The following SERINC5 variants were observed in gnomAD, a reference collection of about 807,000 sequenced individuals.
The protein encoded by SERINC5 is chromosome 5 open reading frame 12.
In SERINC5, 41 loss-of-function variants were observed where a neutral mutation model predicts 63.1. The observed-to-expected ratio is 0.65, with a 90% CI of 0.51 to 0.84. The LOEUF (loss-of-function observed/expected upper bound fraction) is 0.84. Ranked by LOEUF, SERINC5 falls within the 40% of genes least tolerant of loss-of-function variation. The pLI is 0.00. For synonymous variants in SERINC5, 222 were observed against 215.2 expected, an observed-to-expected ratio of 1.03 and a Z score of -0.28; for missense variants, 523 against 573.0, an observed-to-expected ratio of 0.91 and a Z score of 0.89.
intron 2 of SERINC5, among the ~76,000 whole-genome samples, chr5:80,183,658 C>T (rs1240998176): frequency 1.3e-5 from 2 of 152,036 alleles, no homozygotes; most frequent in Non-Finnish European, 1.5e-5. Context: ...TGTGAATTTC[C>T]TTCTCCTGGC....
Position 80,143,429 on chromosome 5 carries a change from A to G in SERINC5, c.*234T>C, listed in dbSNP as rs1745628393. On this transcript the variant is annotated 3_prime_UTR_variant, in exon 12 of 12. Coordinates refer to ENST00000507668, the MANE Select transcript of SERINC5 (RefSeq NM_001174072.3). ...CTGGTATCCAGTTCCTAGGGGTAAGATATTTCAACCATGATCAGTTTGGTT... is the reference window on the plus strand; with the variant it reads ...CTGGTATCCAGTTCCTAGGGGTAAGGTATTTCAACCATGATCAGTTTGGTT... The G allele has an allele frequency of 3.1e-6, 4 of 1,277,936 alleles. No homozygotes were observed. Among genetic ancestry groups the G allele is most frequent in the Non-Finnish European group, 4.0e-6 (4 of 1,012,132 alleles). The allele number at this position is 1,277,936 out of a possible 1,614,324, so 79.2% of individuals were successfully genotyped here.
At position 80,142,649 on chromosome 5, in the gene SERINC5, G is replaced by A. The variant is rs1410340119; in HGVS notation, c.*1014C>T. The A allele has an allele frequency of 1.0e-6, 1 of 985,266 alleles. No homozygotes were observed. Among genetic ancestry groups the A allele is most frequent in the East Asian group, 1.1e-4 (1 of 8,826 alleles). 61.0% of individuals were successfully genotyped at this position (985,266 alleles called of 1,614,324 possible). On this transcript the variant is annotated 3_prime_UTR_variant, in exon 12 of 12. Transcript: ENST00000507668. ...ACGGTATGGTCACGTTACAGATCCA[G>A]AACACAAAACGACTTCCGCTTTTAC...
intron 1 of SERINC5, among the ~76,000 whole-genome samples, chr5:80,223,726 A>G (rs1477849813): frequency 1.3e-5 from 2 of 152,370 alleles, no homozygotes; most frequent in East Asian, 1.9e-4. Context: ...GAAAGAATGC[A>G]TTCCTGAGCT....
chr5:80,164,429 C>T (rs958073976), intron 7 of SERINC5, among the ~76,000 whole-genome samples: 3 of 151,916 alleles, frequency 2.0e-5, no homozygotes, highest in Non-Finnish European at 4.4e-5. Context: ...GGGTAGAGTG[C>T]AGTGGTGCAA....
At chr5:80,126,660 T>C (rs187978918) in intron 11 of SERINC5, among the ~76,000 whole-genome samples, 14 of 152,354 alleles carry the variant, frequency 9.2e-5, no homozygotes, top group African/African-American at 3.4e-4. Context: ...ACCATTCCAA[T>C]ATTAAAAACA....
At chr5:80,205,013 GA>G (rs920732274) in intron 1 of SERINC5, among the ~76,000 whole-genome samples, 7 of 152,328 alleles carry the variant, frequency 4.6e-5, no homozygotes, top group African/African-American at 1.7e-4. Context: ...CTTGCACAGG[GA>G]GTGGGGAGGT....
Position 80,255,906 on chromosome 5 carries a change from C to G in SERINC5, c.17G>C (p.Cys6Ser), listed in dbSNP as rs375595897. The G allele has an allele frequency of 1.9e-6, 3 of 1,578,004 alleles. No individual in the cohort carries two copies. Among genetic ancestry groups the G allele is most frequent in the Non-Finnish European group, 1.7e-6 (2 of 1,168,638 alleles). MSAQC[C>S]AGQLACCCGS... ...CCCGGCCTCGCTCACCTGGCCCGCA[C>G]AGCACTGAGCTGACATCGCGGCGGC... Residue 6 changes from cysteine (C) to serine (S), a missense_variant, in exon 1 of 12, where the codon TGT becomes TCT. Transcript: ENST00000507668.
chr5:80,173,206 G>A (rs1278478453), intron 5 of SERINC5, among the ~76,000 whole-genome samples: 1 of 148,794 alleles, frequency 6.7e-6, no homozygotes, highest in African/African-American at 2.5e-5. Context: ...AGGAAAGGAA[G>A]AGGAAAGGCA....
chr5:80,221,272 CCTG>C (rs1750892514), intron 1 of SERINC5, among the ~76,000 whole-genome samples: 1 of 152,220 alleles, frequency 6.6e-6, no homozygotes, highest in Non-Finnish European at 1.5e-5. Flanking sequence ...ATTTAACAAT[CCTG>C]CGCACCTTTA....
At chr5:80,153,857 A>G (rs1414755878) in intron 8 of SERINC5, among the ~76,000 whole-genome samples, 1 of 151,956 alleles carries the variant, frequency 6.6e-6, no homozygotes, top group Non-Finnish European at 1.5e-5. Flanking sequence ...CAGAACCACT[A>G]CAGTGCCCAG....
chr5:80,212,096 A>G (rs1041140511), intron 1 of SERINC5, among the ~76,000 whole-genome samples: 1 of 152,204 alleles, frequency 6.6e-6, no homozygotes, highest in African/African-American at 2.4e-5. Context: ...ACCACCCTTC[A>G]TTCAGTCCCT....
At chr5:80,228,272 G>A (rs1751259785) in intron 1 of SERINC5, among the ~76,000 whole-genome samples, 1 of 105,566 alleles carries the variant, frequency 9.5e-6, no homozygotes, top group Non-Finnish European at 2.0e-5. Flanking sequence ...GGAAAGGAGG[G>A]AGGGAGGGAG....
Position 80,142,877 on chromosome 5 carries a change from T to C in SERINC5, c.*786A>G. Reference sequence around the variant, plus strand: ...AAACATGAATCTTGTTCTATAATCATGTGAATAACACCATAAATAAGCGCC... The same window carrying C: ...AAACATGAATCTTGTTCTATAATCACGTGAATAACACCATAAATAAGCGCC... On this transcript the variant is annotated 3_prime_UTR_variant, in exon 12 of 12. Transcript: ENST00000507668. The C allele has an allele frequency of 2.0e-6, 2 of 985,430 alleles. No individual in the cohort carries two copies. The highest frequency in any genetic ancestry group is 4.7e-5 in the South Asian group (1 of 21,290). 61.0% of individuals were successfully genotyped at this position (985,430 alleles called of 1,614,324 possible). A position where few individuals can be genotyped will look rare whatever the true frequency, so the allele number is the denominator to read the frequency against.
At chr5:80,252,220 G>A (rs1033843015) in intron 1 of SERINC5, among the ~76,000 whole-genome samples, 2 of 151,796 alleles carry the variant, frequency 1.3e-5, no homozygotes, top group Non-Finnish European at 2.9e-5. Flanking sequence ...GCACCATCAC[G>A]CCTGGCTAAT....
At chr5:80,130,226 A>G (rs1744887308) in intron 11 of SERINC5, among the ~76,000 whole-genome samples, 1 of 151,764 alleles carries the variant, frequency 6.6e-6, no homozygotes, top group African/African-American at 2.4e-5. Flanking sequence ...CTAAAAATAC[A>G]AAAACTAGCC....
chr5:80,249,080 C>G (rs1210492588), intron 1 of SERINC5, among the ~76,000 whole-genome samples: 1 of 151,526 alleles, frequency 6.6e-6, no homozygotes, highest in African/African-American at 2.4e-5. Context: ...TTTGGGAGGC[C>G]AAGGCGGGTG....
rs77099392 is a variant in SERINC5, at chr5:80,177,971, C to T, written c.289G>A (p.Gly97Arg). ...AAGATAAAGAAGAAACAAGCCATTC[C>T]AAAACAGACTCTATACACGGCAGAA... ...GYSAVYRVCF[G>R]MACFFFIFCL... The change falls in exon 3 of 12, where the codon GGA becomes AGA. Residue 97 changes from glycine (G) to arginine (R), a missense_variant. By Grantham distance (125) the Gly-to-Arg change is moderately radical (BLOSUM62 -2). Coordinates refer to ENST00000507668, the MANE Select transcript of SERINC5 (RefSeq NM_001174072.3). 1.2e-6 allele frequency: 2 copies of T among 1,612,586 alleles called. No homozygotes were observed. Among genetic ancestry groups the T allele is most frequent in the Admixed American group, 1.7e-5 (1 of 59,796 alleles).
At chr5:80,167,928 C>T (rs1747409727) in intron 6 of SERINC5, among the ~76,000 whole-genome samples, 2 of 152,076 alleles carry the variant, frequency 1.3e-5, no homozygotes, top group South Asian at 4.2e-4. Context: ...ATTGTAATTA[C>T]CAATAAAGAC....
intron 1 of SERINC5, among the ~76,000 whole-genome samples, chr5:80,225,398 A>C (rs1751124288): frequency 6.6e-6 from 1 of 152,184 alleles, no homozygotes; most frequent in Non-Finnish European, 1.5e-5. Flanking sequence ...AATACTTTAT[A>C]ATGTTTAATG....
Sources: gnomAD v4.1 joint callset for allele counts (sites outside exome capture counted in the v4.1 genomes callset) on GRCh38, gnomAD v4.1.1 for gene constraint, MANE v1.5 for transcripts, NCBI Gene and HGNC (gene_info 2026-07-23, HGNC 2026-07-21) for gene names.